Variants in RUNDC3B observed in about 807,000 individuals in gnomAD.
The protein encoded by RUNDC3B is RUN domain containing 3B.
RUNDC3B carries 33 observed loss-of-function variants against 58.4 expected under a neutral mutation model. The observed-to-expected ratio is 0.56, with a 90% CI of 0.43 to 0.75. The LOEUF is 0.75. RUNDC3B is among the 30% of genes least tolerant of loss of function. The pLI is 0.00. For missense variants in RUNDC3B, 501 were observed against 535.7 expected (o/e 0.94, Z 0.64); for synonymous variants, 193 against 195.2 (o/e 0.99, Z 0.10).
At chr7:87,701,869 C>A (rs1302043085) in intron 3 of RUNDC3B, among the ~76,000 whole-genome samples, 1 of 152,018 alleles carries the variant, frequency 6.6e-6, no homozygotes, top group Non-Finnish European at 1.5e-5. Flanking sequence ...ACTGGCCGGG[C>A]GCGGTGGCTC....
rs1276767679 is a variant in RUNDC3B at position 87,649,660 on chromosome 7, G to T, written c.123-1162G>T. Among the ~76,000 whole-genome samples, 6 of 152,194 alleles carry T rather than the reference G, an allele frequency of 3.9e-5. No individual in the cohort carries two copies. In the South Asian group the frequency reaches 6.2e-4, roughly 16 times the overall value. On this transcript the variant is annotated intron_variant, in intron 1 of 10. Transcript: ENST00000394654. The stretch of plus-strand genomic sequence containing the variant: ...TACACTTTACAGATTTGCAGGTTTT[G>T]CTATTTATAAGCTCATAAAAATTTT...
intron 2 of RUNDC3B, among the ~76,000 whole-genome samples, chr7:87,656,332 G>C (rs1202954184): frequency 1.3e-5 from 2 of 151,918 alleles, no homozygotes; most frequent in African/African-American, 4.8e-5. Flanking sequence ...AGAAAGAAGA[G>C]ACTAACCAGT....
chr7:87,814,657 G>A (rs10230718), intron 9 of RUNDC3B, among the ~76,000 whole-genome samples: 14,162 of 152,030 alleles, frequency 0.093, 761 homozygotes, highest in African/African-American at 0.15. Flanking sequence ...CTATATAAAT[G>A]TTAGATATCA....
chr7:87,826,436 A>G (rs1837811843), intron 10 of RUNDC3B, among the ~76,000 whole-genome samples: 1 of 151,592 alleles, frequency 6.6e-6, no homozygotes, highest in Non-Finnish European at 1.5e-5. Context: ...ATTTCCAAGT[A>G]TCAAGTATGC....
intron 1 of RUNDC3B, among the ~76,000 whole-genome samples, chr7:87,636,283 G>T (rs569522592): frequency 6.6e-6 from 1 of 152,170 alleles, no homozygotes; most frequent in South Asian, 2.1e-4. Context: ...TGTTTGTTGG[G>T]GTGTCACATG....
chr7:87,648,349 G>A (rs1057272120), intron 1 of RUNDC3B, among the ~76,000 whole-genome samples: 41 of 151,990 alleles, frequency 2.7e-4, no homozygotes, highest in African/African-American at 9.9e-4. Context: ...CTTAGTGGAG[G>A]CAAATGTTCA....
At chr7:87,628,966 G>A in intron 1 of RUNDC3B, 21 bp downstream of exon 1, 4 of 1,307,894 alleles carry the variant, frequency 3.1e-6, no homozygotes, top group Non-Finnish European at 3.9e-6. Context: ...GCAGGGCGAG[G>A]GGAACCAGCC....
chr7:87,810,640 A>G (rs892147556), intron 9 of RUNDC3B, among the ~76,000 whole-genome samples: 1 of 152,154 alleles, frequency 6.6e-6, no homozygotes, highest in Non-Finnish European at 1.5e-5. Flanking sequence ...ACTCATGGAA[A>G]TGGATCCCTC....
intron 1 of RUNDC3B, among the ~76,000 whole-genome samples, chr7:87,633,045 G>C (rs1821387552): frequency 6.6e-6 from 1 of 152,100 alleles, no homozygotes; most frequent in African/African-American, 2.4e-5. Context: ...AATAGTCTTA[G>C]TTTTCTATAG....
chr7:87,664,319 A>G (rs1435019889), intron 2 of RUNDC3B, among the ~76,000 whole-genome samples: 1 of 152,256 alleles, frequency 6.6e-6, no homozygotes, highest in East Asian at 1.9e-4. Context: ...CCTGGGCAAC[A>G]CAGCAAGATA....
intron 8 of RUNDC3B, among the ~76,000 whole-genome samples, chr7:87,806,978 G>T (rs1836470533): frequency 6.6e-6 from 1 of 151,580 alleles, no homozygotes; most frequent in African/African-American, 2.4e-5. Context: ...GATTGTGTCT[G>T]AGTTTTGAAG....
At chr7:87,650,986 T>A in intron 2 of RUNDC3B, 49 bp downstream of exon 2, 1 of 1,080,012 alleles carries the variant, frequency 9.3e-7, no homozygotes, top group South Asian at 1.3e-5. Flanking sequence ...GTCTTTATAA[T>A]AAGCTTGAAA....
At chr7:87,732,623 T>C (rs1038063924) in intron 4 of RUNDC3B, among the ~76,000 whole-genome samples, 4 of 152,074 alleles carry the variant, frequency 2.6e-5, no homozygotes, top group Non-Finnish European at 5.9e-5. Context: ...ACACACAAGA[T>C]AGTGAAAGCT....
In RUNDC3B at chr7:87,628,631, C is replaced by T. The variant is rs1820861253; in HGVS notation, c.-193C>T. 1 of 364,260 alleles carries T rather than the reference C, an allele frequency of 2.7e-6. No individual in the cohort carries two copies. Among genetic ancestry groups the T allele is most frequent in the Non-Finnish European group, 4.8e-6 (1 of 206,534 alleles). The allele number at this position is 364,260 out of a possible 1,614,324, so 22.6% of individuals were successfully genotyped here. On this transcript the variant is annotated 5_prime_UTR_variant, in exon 1 of 11. Coordinates refer to ENST00000394654, the MANE Select transcript of RUNDC3B (RefSeq NM_001134405.2). ...TGTGTGTGTGTGTGTGTGTGGAGCT[C>T]GGGTGCCAAGGGCGAGCCGTCAGTC...
At chr7:87,744,608 G>C (rs563255900) in intron 6 of RUNDC3B, among the ~76,000 whole-genome samples, 1 of 152,094 alleles carries the variant, frequency 6.6e-6, no homozygotes, top group Non-Finnish European at 1.5e-5. Flanking sequence ...TTCTTGATTT[G>C]ATTCTCCACT....
At chr7:87,645,866 T>C (rs1165007089) in intron 1 of RUNDC3B, among the ~76,000 whole-genome samples, 1 of 152,176 alleles carries the variant, frequency 6.6e-6, no homozygotes, top group Non-Finnish European at 1.5e-5. Flanking sequence ...CTCTAAGGGA[T>C]TGATTTGCCT....
chr7:87,649,690 G>T (rs1048795820), intron 1 of RUNDC3B, among the ~76,000 whole-genome samples: 3 of 152,122 alleles, frequency 2.0e-5, no homozygotes, highest in Non-Finnish European at 2.9e-5. Flanking sequence ...AATTTTGGAT[G>T]TTGAAATGGT....
chr7:87,721,038 G>A (rs578010993), intron 4 of RUNDC3B, among the ~76,000 whole-genome samples: 1 of 150,564 alleles, frequency 6.6e-6, no homozygotes, highest in South Asian at 2.1e-4. Flanking sequence ...TTAGCTAAAT[G>A]TCAAAACAAA....
At chr7:87,781,533 G>C (rs574319523) in intron 8 of RUNDC3B, among the ~76,000 whole-genome samples, 1 of 152,156 alleles carries the variant, frequency 6.6e-6, no homozygotes, top group East Asian at 1.9e-4. Flanking sequence ...GAATAGGAGT[G>C]GCCAGAGTGG....
Sources: allele counts gnomAD v4.1 joint callset (sites outside exome capture counted in the v4.1 genomes callset), GRCh38; gene constraint gnomAD v4.1.1; transcripts MANE v1.5; gene names NCBI Gene and HGNC (gene_info 2026-07-23, HGNC 2026-07-21).